SOX5: variants seen among roughly 807,000 people sequenced by gnomAD.
The protein encoded by SOX5 is transcription factor SOX-5.
In SOX5, 9 loss-of-function variants were observed where a neutral mutation model predicts 92.0. The ratio of observed to expected loss-of-function variants is 0.10; its 90% confidence interval spans 0.06 to 0.17. The LOEUF (loss-of-function observed/expected upper bound fraction) is 0.17. Among genes scored for constraint, SOX5 ranks in the 10% least tolerant of loss-of-function variants. The pLI, the probability that SOX5 is intolerant of heterozygous loss-of-function variation, is 1.00. For synonymous variants in SOX5, 344 were observed against 336.3 expected (o/e 1.02, Z -0.25); for missense variants, 642 against 944.5 (o/e 0.68, Z 4.20).
intron 7 of SOX5, among the ~76,000 whole-genome samples, chr12:23,653,640 G>A (rs928929448): frequency 2.6e-5 from 4 of 152,094 alleles, no homozygotes; most frequent in Admixed American, 2.0e-4. Flanking sequence ...TGGGCCTGAT[G>A]AAGGCCCATT....
intron 1 of SOX5, among the ~76,000 whole-genome samples, chr12:24,501,378 A>C: frequency 7.2e-6 from 1 of 139,604 alleles, no homozygotes. Context: ...ATCCAGTGCA[A>C]AAAAAAAAAA....
At chr12:23,909,975 T>A (rs1447633249) in intron 1 of SOX5, among the ~76,000 whole-genome samples, 1 of 152,020 alleles carries the variant, frequency 6.6e-6, no homozygotes, top group Non-Finnish European at 1.5e-5. Context: ...GCTGGCAAGT[T>A]TATGGAGGCA....
intron 4 of SOX5, among the ~76,000 whole-genome samples, chr12:24,030,213 ACTCTC>A (rs989961677): frequency 3.9e-5 from 6 of 151,950 alleles, no homozygotes; most frequent in Admixed American, 3.9e-4. Flanking sequence ...TAATAAAAAT[ACTCTC>A]CTCTAACCTC....
At chr12:24,054,347 A>G (rs1051886543) in intron 4 of SOX5, among the ~76,000 whole-genome samples, 3 of 152,124 alleles carry the variant, frequency 2.0e-5, no homozygotes, top group African/African-American at 4.8e-5. Context: ...GTGCTGGACT[A>G]TTTTCTACTT....
At chr12:24,283,361 A>G (rs1945447039) in intron 2 of SOX5, among the ~76,000 whole-genome samples, 1 of 152,238 alleles carries the variant, frequency 6.6e-6, no homozygotes, top group Non-Finnish European at 1.5e-5. Context: ...TCTTTACAGA[A>G]GGTCACAAAA....
At chr12:24,271,848 T>C (rs1294559974) in intron 3 of SOX5, among the ~76,000 whole-genome samples, 3 of 152,180 alleles carry the variant, frequency 2.0e-5, no homozygotes, top group African/African-American at 7.2e-5. Context: ...ATGCCATACT[T>C]TCTGAATTAA....
At chr12:23,667,397 A>C (rs1275724537) in intron 6 of SOX5, among the ~76,000 whole-genome samples, 1 of 152,178 alleles carries the variant, frequency 6.6e-6, no homozygotes, top group African/African-American at 2.4e-5. Flanking sequence ...AAATCTGTGC[A>C]TTCTAAACTT....
chr12:24,290,642 C>A (rs529787493), intron 2 of SOX5, among the ~76,000 whole-genome samples: 2 of 152,306 alleles, frequency 1.3e-5, no homozygotes, highest in South Asian at 4.1e-4. Flanking sequence ...CCCACCACCC[C>A]CCTCTCCCAG....
chr12:24,190,517 T>C (rs1252241884), intron 4 of SOX5, among the ~76,000 whole-genome samples: 1 of 152,194 alleles, frequency 6.6e-6, no homozygotes, highest in East Asian at 1.9e-4. Context: ...AAAGGTGGCT[T>C]AGGAACTCAA....
chr12:23,794,377 A>G (rs1238351841), intron 3 of SOX5, among the ~76,000 whole-genome samples: 5 of 152,166 alleles, frequency 3.3e-5, no homozygotes, highest in Admixed American at 3.3e-4. Context: ...TGATGTCAAC[A>G]TATTTTTTCA....
intron 3 of SOX5, among the ~76,000 whole-genome samples, chr12:23,833,772 G>A (rs1053296568): frequency 1.3e-5 from 2 of 151,956 alleles, no homozygotes; most frequent in African/African-American, 2.4e-5. Flanking sequence ...CATGTCAGAA[G>A]ATTGGAGAAG....
intron 3 of SOX5, among the ~76,000 whole-genome samples, chr12:24,249,246 C>T (rs1417883736): frequency 1.3e-5 from 2 of 152,190 alleles, no homozygotes; most frequent in Non-Finnish European, 2.9e-5. Flanking sequence ...CCCTCCTAAC[C>T]TAACTCCTTT....
chr12:24,552,716 T>C (rs901580954), intron 1 of SOX5, among the ~76,000 whole-genome samples: 1 of 152,244 alleles, frequency 6.6e-6, no homozygotes, highest in Admixed American at 6.5e-5. Flanking sequence ...AATCGCTTTA[T>C]AGGCTGGGTA....
chr12:24,099,253 A>C (rs1593150170), intron 4 of SOX5, among the ~76,000 whole-genome samples: 2 of 152,192 alleles, frequency 1.3e-5, no homozygotes, highest in East Asian at 1.9e-4. Context: ...TGTTGGCCCT[A>C]CCCTTTGTGG....
rs534775550 is a variant in SOX5, at chr12:23,923,327, A to ATGAG, written c.38+26236_38+26237insCTCA. The stretch of plus-strand genomic sequence containing the variant: ...AATGAATGAATGAATGAATGAATGA[A>ATGAG]TGAATACGTAAAAGCATAATGTAAG... On this transcript the variant is annotated intron_variant, in intron 1 of 14. Transcript: ENST00000451604. 9.5e-3 allele frequency among the ~76,000 whole-genome samples: 1,447 copies of ATGAG among 151,706 alleles called. 10 individuals carry two copies. Among genetic ancestry groups the ATGAG allele is most frequent in the Non-Finnish European group, 0.014 (965 of 67,990 alleles).
chr12:23,853,084 G>C (rs993415460), intron 2 of SOX5, among the ~76,000 whole-genome samples: 1 of 151,122 alleles, frequency 6.6e-6, no homozygotes, highest in South Asian at 2.1e-4. Flanking sequence ...AGTGGGGATG[G>C]AGAAGAGTCA....
At position 23,575,026 on chromosome 12, in the gene SOX5, C is replaced by G. The variant is rs140274741; in HGVS notation, c.1342+635G>C. Among the ~76,000 whole-genome samples the G allele has an allele frequency of 2.0e-3, 312 of 152,272 alleles. 6 individuals carry two copies. The highest frequency in any genetic ancestry group is 0.016 in the Admixed American group (238 of 15,288). On this transcript the variant is annotated intron_variant, in intron 10 of 14. Transcript: ENST00000451604. ...AATTGAATAAAAATAATACAAATAT[C>G]AATAAACCTGTGTTGAAATCAGTAT...
At chr12:24,115,946 G>C (rs1481381720) in intron 4 of SOX5, among the ~76,000 whole-genome samples, 9 of 152,054 alleles carry the variant, frequency 5.9e-5, no homozygotes, top group Non-Finnish European at 1.3e-4. Context: ...GAAAAGGATA[G>C]GGATGCTAAT....
In SOX5 at chr12:24,503,270, G is replaced by A. The variant is rs144901934; in HGVS notation, c.-251+59059C>T. Among the ~76,000 whole-genome samples, 344 of 152,252 alleles carry A rather than the reference G, an allele frequency of 2.3e-3. 2 individuals are homozygous for A. Among genetic ancestry groups the A allele is most frequent in the Middle Eastern group, 0.014 (4 of 294 alleles). Reference sequence around the variant, plus strand: ...TTTTTAGCCAGGCATCATGGCTCACGCCTGTAATTCCAACAAATAGGGAGG... The same window carrying A: ...TTTTTAGCCAGGCATCATGGCTCACACCTGTAATTCCAACAAATAGGGAGG... On this transcript the variant is annotated intron_variant, in intron 1 of 4. Coordinates refer to the SOX5 transcript ENST00000446891.
Sources: allele counts gnomAD v4.1 joint callset (sites outside exome capture counted in the v4.1 genomes callset), GRCh38; gene constraint gnomAD v4.1.1; transcripts MANE v1.5; gene names NCBI Gene and HGNC (gene_info 2026-07-23, HGNC 2026-07-21).